Variants in FKBP6 observed in about 807,000 individuals in gnomAD.
FKBP6 encodes the protein inactive peptidyl-prolyl cis-trans isomerase FKBP6.
FKBP6 carries 29 observed loss-of-function variants against 41.7 expected under a neutral mutation model. The ratio of observed to expected loss-of-function variants is 0.70; its 90% CI spans 0.52 to 0.95. The LOEUF (loss-of-function observed/expected upper bound fraction) is 0.95, where lower values mean the gene tolerates loss of function less well. Among genes scored for constraint, FKBP6 ranks in the 40% least tolerant of loss-of-function variants. The probability of loss-of-function intolerance (pLI) is 0.00; values close to 1 mark genes in which losing one functional copy is unlikely to be tolerated. For synonymous variants in FKBP6, 130 were observed against 165.1 expected, an observed-to-expected ratio of 0.79 and a Z score of 1.63; for missense variants, 338 against 408.7, an observed-to-expected ratio of 0.83 and a Z score of 1.49.
intron 8 of FKBP6, among the ~76,000 whole-genome samples, chr7:73,351,636 T>G (rs1433170403): frequency 1.3e-5 from 2 of 152,188 alleles, no homozygotes; most frequent in Non-Finnish European, 2.9e-5. Context: ...GGGAAGGCAT[T>G]TCCTCTGGAA....
chr7:73,330,167 A>G lies in FKBP6; in HGVS notation c.283A>G (p.Met95Val), dbSNP rs1364524441. 1.7e-5 allele frequency: 28 copies of G among 1,613,632 alleles called. No individual in the cohort carries two copies. The highest frequency in any genetic ancestry group is 2.4e-5 in the Non-Finnish European group (28 of 1,179,686). ...TCTTACAGATATTACACTGTGGGGC[A>G]TGGAGCTGGGCCTTCTGAGCATGCG... The part of the protein sequence containing the change: ...KLGEDITLWG[M>V]ELGLLSMRRG... The change falls in exon 4 of 9, where the codon ATG becomes GTG. Residue 95 changes from methionine to valine, a missense_variant. Around this residue, in one of 2 missense-constraint regions of FKBP6, gnomAD observed 99 missense variants for 158.6 expected, o/e 0.62. Transcript: ENST00000252037.
At position 73,340,847 on chromosome 7, in the gene FKBP6, A is replaced by T; in HGVS notation, c.783+15A>T. 1 of 1,606,136 alleles carries T rather than the reference A, an allele frequency of 6.2e-7. No homozygotes were observed. Among genetic ancestry groups the T allele is most frequent in the Non-Finnish European group, 8.5e-7 (1 of 1,173,310 alleles). On this transcript the variant is annotated intron_variant, in intron 6 of 8. Transcript: ENST00000252037. ...GGTGTGGACAGGTGAGTTGGAAGCC[A>T]GTGACTTGGGAATAAACACCCAGGA...
chr7:73,342,195 A>G (rs1554549706), intron 7 of FKBP6, among the ~76,000 whole-genome samples: 1 of 152,188 alleles, frequency 6.6e-6, no homozygotes, highest in Non-Finnish European at 1.5e-5. Flanking sequence ...TTTTGTGTCC[A>G]TTGTAGAAAA....
chr7:73,354,713 A>C (rs1308611426), intron 8 of FKBP6, among the ~76,000 whole-genome samples: 1 of 152,180 alleles, frequency 6.6e-6, no homozygotes, highest in Admixed American at 6.5e-5. Flanking sequence ...GCCTTGGTTC[A>C]TCTGCTGGGA....
chr7:73,338,460 C>T (rs1028033951), intron 5 of FKBP6, among the ~76,000 whole-genome samples: 2 of 152,194 alleles, frequency 1.3e-5, no homozygotes, highest in African/African-American at 2.4e-5. Flanking sequence ...TACAAGTTGT[C>T]GTGTGAACAC....
chr7:73,342,331 A>G (rs1805215542), intron 7 of FKBP6, among the ~76,000 whole-genome samples: 1 of 152,334 alleles, frequency 6.6e-6, no homozygotes, highest in South Asian at 2.1e-4. Context: ...AATATTAAAC[A>G]TTCGGTCCAG....
intron 5 of FKBP6, among the ~76,000 whole-genome samples, chr7:73,332,312 C>T (rs570707494): frequency 8.9e-4 from 135 of 151,804 alleles, no homozygotes; most frequent in African/African-American, 3.1e-3. Flanking sequence ...GGTGAAACCC[C>T]GTCTCTACTA....
At chr7:73,340,932 T>C in intron 6 of FKBP6, 100 bp downstream of exon 6, 1 of 956,946 alleles carries the variant, frequency 1.0e-6, no homozygotes, top group East Asian at 2.6e-5. Context: ...TTTTTTTTTT[T>C]TTTTTTTTTA....
rs782382711 is a variant in FKBP6, at chr7:73,341,288, A to C, written c.799A>C (p.Thr267Pro). 2 of 1,610,958 alleles carry C rather than the reference A, an allele frequency of 1.2e-6. No individual in the cohort carries two copies. The highest frequency in any genetic ancestry group is 2.2e-5 in the South Asian group (2 of 91,016). ...CTTGGGACAGGCTTGTCTTCTCCTG[A>C]CTGAGTATCAAAAGGCCCGGGATTT... is the stretch of plus-strand genomic sequence containing the variant. ...FRCGQACLLL[T>P]EYQKARDFLV... Residue 267 changes from threonine to proline, a missense_variant, in exon 7 of 9, where the codon ACT (threonine) becomes CCT (proline). This residue lies in a region of FKBP6 where 239 missense variants were observed against 250.1 expected (regional missense o/e 0.96). Coordinates refer to ENST00000252037, the MANE Select transcript of FKBP6 (RefSeq NM_003602.5).
In FKBP6 at chr7:73,336,918, A is replaced by G. The variant is rs1365433213; in HGVS notation, c.589-3720A>G. The G allele has an allele frequency of 8.3e-5, 31 of 374,340 alleles. No individual in the cohort carries two copies. The Admixed American group carries it at 9.8e-4, about 12-fold the overall frequency. The allele number at this position is 374,340 out of a possible 1,614,324, so 23.2% of individuals were successfully genotyped here. On this transcript the variant is annotated intron_variant, in intron 5 of 8. Coordinates refer to ENST00000252037, the MANE Select transcript of FKBP6 (RefSeq NM_003602.5). ...TTGTATATGATGAAGTTGTATATAT[A>G]AGAGATCAAGGAAACAGAAGAAGGG...
At chr7:73,357,990 A>AC (rs1160951086) in intron 8 of FKBP6, among the ~76,000 whole-genome samples, 191 bp from the exon 9 acceptor site, 2 of 151,128 alleles carry the variant, frequency 1.3e-5, no homozygotes, top group Admixed American at 1.3e-4. Context: ...CTGTCTCAAA[A>AC]AAAAAAAAAA....
chr7:73,353,230 C>A (rs1805538295), intron 8 of FKBP6, among the ~76,000 whole-genome samples: 1 of 152,108 alleles, frequency 6.6e-6, no homozygotes, highest in South Asian at 2.1e-4. Context: ...TTGGGCTGAC[C>A]AAGATAATCG....
At position 73,355,487 on chromosome 7, in the gene FKBP6, T is replaced by C. The variant is rs1554551796; in HGVS notation, c.*3-2694T>C. Among the ~76,000 whole-genome samples, 4 of 152,292 alleles carry C rather than the reference T, an allele frequency of 2.6e-5. No individual in the cohort carries two copies. In the Middle Eastern group the frequency reaches 0.01, roughly 389 times the overall value. Reference sequence around the variant, plus strand: ...CCCTTCGTCTGTAGGGAGCTTGAAGTTGATCTCCCCCCATCTGCATTCATG... The same window carrying C: ...CCCTTCGTCTGTAGGGAGCTTGAAGCTGATCTCCCCCCATCTGCATTCATG... On this transcript the variant is annotated intron_variant, in intron 8 of 8. Transcript: ENST00000252037.
intron 8 of FKBP6, among the ~76,000 whole-genome samples, chr7:73,357,617 G>GA (rs1805670952): frequency 6.6e-6 from 1 of 152,042 alleles, no homozygotes; most frequent in Non-Finnish European, 1.5e-5. Context: ...AGTCTGACTG[G>GA]AAAGGGGTCT....
intron 5 of FKBP6, chr7:73,336,903 T>C: frequency 6.9e-6 from 3 of 437,826 alleles, no homozygotes; most frequent in Non-Finnish European, 1.4e-5. Flanking sequence ...TTGTATATGA[T>C]GAAGTTGTAT....
At chr7:73,348,304 C>G (rs567363351) in intron 8 of FKBP6, among the ~76,000 whole-genome samples, 14 of 152,178 alleles carry the variant, frequency 9.2e-5, no homozygotes, top group East Asian at 1.9e-4. Context: ...CCTTTCCCCC[C>G]CTTCTTTGAA....
chr7:73,331,089 C>T (rs1182375245), intron 4 of FKBP6, among the ~76,000 whole-genome samples: 2 of 152,184 alleles, frequency 1.3e-5, no homozygotes, highest in Non-Finnish European at 2.9e-5. Context: ...TTGCAAATGC[C>T]TCGTCCCACC....
chr7:73,349,917 A>G (rs966786398), intron 8 of FKBP6, among the ~76,000 whole-genome samples: 1 of 152,016 alleles, frequency 6.6e-6, no homozygotes, highest in Non-Finnish European at 1.5e-5. Flanking sequence ...CCCTTGTCCC[A>G]TGGTTGGTTC....
chr7:73,354,903 A>G (rs1473078993), intron 8 of FKBP6, among the ~76,000 whole-genome samples: 1 of 152,156 alleles, frequency 6.6e-6, no homozygotes, highest in Non-Finnish European at 1.5e-5. Context: ...CACGACACCC[A>G]CCGCCACCGT....
Sources: allele counts gnomAD v4.1 joint callset (sites outside exome capture counted in the v4.1 genomes callset), GRCh38; gene constraint gnomAD v4.1.1; regional missense constraint gnomAD v4.1.1; transcripts MANE v1.5; gene names NCBI Gene and HGNC (gene_info 2026-07-23, HGNC 2026-07-21).